Variants in TXK observed in about 807,000 individuals in gnomAD.
TXK encodes the protein tyrosine-protein kinase TXK.
Under a neutral mutation model 81.0 loss-of-function variants are expected in TXK, and 60 were observed. The observed-to-expected ratio is 0.74, with a 90% CI of 0.60 to 0.92. The LOEUF (loss-of-function observed/expected upper bound fraction) is 0.92, where lower values mean the gene tolerates loss of function less well. Among genes scored for constraint, TXK ranks in the 40% least tolerant of loss-of-function variants. TXK has a pLI of 0.00. For synonymous variants in TXK, 203 were observed against 210.7 expected (o/e 0.96, Z 0.32); for missense variants, 581 against 638.3 (o/e 0.91, Z 0.97).
chr4:48,088,316 T>A (rs1717618968), intron 9 of TXK, among the ~76,000 whole-genome samples: 1 of 152,168 alleles, frequency 6.6e-6, no homozygotes, highest in South Asian at 2.1e-4. Context: ...TAAGCACATA[T>A]CCAACATATG....
At chr4:48,107,592 C>A (rs897372762) in intron 5 of TXK, among the ~76,000 whole-genome samples, 2 of 151,730 alleles carry the variant, frequency 1.3e-5, no homozygotes, top group South Asian at 2.1e-4. Flanking sequence ...ACAGGATATT[C>A]AGGTTTGTTA....
chr4:48,110,661 G>A, intron 4 of TXK, 58 bp from the exon 5 acceptor site: 1 of 1,303,848 alleles, frequency 7.7e-7, no homozygotes, highest in South Asian at 1.2e-5. Flanking sequence ...GCATTATCAT[G>A]GCAACAATCC....
At chr4:48,131,424 A>T (rs1719245144) in intron 1 of TXK, among the ~76,000 whole-genome samples, 1 of 149,830 alleles carries the variant, frequency 6.7e-6, no homozygotes, top group African/African-American at 2.4e-5. Flanking sequence ...AGCTTAAGCA[A>T]TCTTCTTCGC....
At chr4:48,108,089 A>G (rs1031516984) in intron 5 of TXK, among the ~76,000 whole-genome samples, 15 of 152,114 alleles carry the variant, frequency 9.9e-5, no homozygotes, top group African/African-American at 2.9e-4. Flanking sequence ...ATAAATAAAT[A>G]AATAAAATTG....
intron 13 of TXK, 83 bp from the exon 14 acceptor site, chr4:48,071,757 C>T: frequency 6.6e-7 from 1 of 1,507,780 alleles, no homozygotes; most frequent in East Asian, 2.3e-5. Flanking sequence ...AACTACAAGG[C>T]ATTATTTTTG....
At chr4:48,113,430 T>C in intron 2 of TXK, 121 bp from the exon 3 acceptor site, 2 of 696,392 alleles carry the variant, frequency 2.9e-6, no homozygotes, top group Non-Finnish European at 4.7e-6. Flanking sequence ...CATTTTCATT[T>C]AGAAGGCTTC....
At chr4:48,112,809 C>T (rs1326121301) in intron 3 of TXK, among the ~76,000 whole-genome samples, 1 of 151,760 alleles carries the variant, frequency 6.6e-6, no homozygotes, top group Non-Finnish European at 1.5e-5. Context: ...ATAGTTTTAC[C>T]TTGTTTTAAG....
chr4:48,116,097 C>T (rs1718805045), intron 1 of TXK, among the ~76,000 whole-genome samples: 1 of 152,118 alleles, frequency 6.6e-6, no homozygotes, highest in Non-Finnish European at 1.5e-5. Flanking sequence ...AACTGTAAAA[C>T]TGAGGTAAAT....
intron 13 of TXK, among the ~76,000 whole-genome samples, chr4:48,072,431 G>A (rs1716900198): frequency 6.6e-6 from 1 of 152,216 alleles, no homozygotes. Context: ...GTTTCAGCCA[G>A]TAAATGGCAT....
At chr4:48,081,564 T>C (rs1717302037) in intron 10 of TXK, among the ~76,000 whole-genome samples, 1 of 152,172 alleles carries the variant, frequency 6.6e-6, no homozygotes, top group South Asian at 2.1e-4. Flanking sequence ...AAATTTGTTA[T>C]TTAAATATTT....
intron 6 of TXK, among the ~76,000 whole-genome samples, chr4:48,100,644 A>C (rs1718158298): frequency 6.6e-6 from 1 of 152,234 alleles, no homozygotes; most frequent in South Asian, 2.1e-4. Context: ...ACCTGTTAAA[A>C]TTAGAAATGT....
intron 8 of TXK, among the ~76,000 whole-genome samples, chr4:48,093,374 A>T (rs1717853176): frequency 6.6e-6 from 1 of 152,260 alleles, no homozygotes; most frequent in Non-Finnish European, 1.5e-5. Flanking sequence ...GTTACCGTGG[A>T]TTCTGAATTC....
chr4:48,079,694 G>C (rs1023820739), intron 11 of TXK, among the ~76,000 whole-genome samples: 6 of 152,174 alleles, frequency 3.9e-5, no homozygotes, highest in African/African-American at 1.4e-4. Context: ...AATCGGCTCT[G>C]TCTAGGCAGC....
At chr4:48,084,115 G>A (rs1717415200) in intron 10 of TXK, among the ~76,000 whole-genome samples, 1 of 151,844 alleles carries the variant, frequency 6.6e-6, no homozygotes, top group Non-Finnish European at 1.5e-5. Flanking sequence ...TGTATGACAG[G>A]GTCTCACTCT....
At position 48,074,158 on chromosome 4, in the gene TXK, C is replaced by G. The variant is rs558816383; in HGVS notation, c.1239-105G>C. On this transcript the variant is annotated intron_variant, in intron 12 of 14. Transcript: ENST00000264316. ...AGTTGCTAAAAGACAAAGTATTTTA[C>G]CCCAGAAAGGTTGTGGATGCCTTCT... The G allele has an allele frequency of 7.1e-6, 6 of 850,618 alleles. No homozygotes were observed. In the African/African-American group the frequency reaches 1.0e-4, roughly 14 times the overall value. 52.7% of individuals were successfully genotyped at this position (850,618 alleles called of 1,614,324 possible).
chr4:48,127,239 T>G (rs1264603153), intron 1 of TXK, among the ~76,000 whole-genome samples: 1 of 152,214 alleles, frequency 6.6e-6, no homozygotes, highest in African/African-American at 2.4e-5. Context: ...GGTGTTCCCT[T>G]GCTTGGCATG....
At chr4:48,076,287 T>C (rs1357183940) in intron 12 of TXK, 115 bp downstream of exon 12, 6 of 771,106 alleles carry the variant, frequency 7.8e-6, no homozygotes, top group Non-Finnish European at 1.2e-5. Context: ...GCCTACAACC[T>C]AGGAAGATAA....
chr4:48,091,587 C>A (rs1204124921), intron 8 of TXK, among the ~76,000 whole-genome samples: 2 of 151,862 alleles, frequency 1.3e-5, no homozygotes, highest in Admixed American at 1.3e-4. Flanking sequence ...ATCACTGCAA[C>A]CTCCGCCTCT....
chr4:48,110,754 AT>A, intron 4 of TXK, 151 bp from the exon 5 acceptor site: 1 of 618,162 alleles, frequency 1.6e-6, no homozygotes, highest in Non-Finnish European at 2.8e-6. Flanking sequence ...AAGTTTTTTT[AT>A]TTCTAACTCA....
Sources: gnomAD v4.1 joint callset for allele counts (sites outside exome capture counted in the v4.1 genomes callset) on GRCh38, gnomAD v4.1.1 for gene constraint, MANE v1.5 for transcripts, NCBI Gene and HGNC (gene_info 2026-07-23, HGNC 2026-07-21) for gene names.